TSGA10: variants seen among roughly 807,000 people sequenced by gnomAD.
TSGA10 encodes the protein testis-specific gene 10 protein.
Under a neutral mutation model 96.6 loss-of-function variants are expected in TSGA10, and 43 were observed. The observed-to-expected ratio is 0.44, with a 90% CI of 0.35 to 0.57. The LOEUF (loss-of-function observed/expected upper bound fraction) is 0.57, where lower values mean the gene tolerates loss of function less well. Ranked by LOEUF, TSGA10 falls within the 20% of genes least tolerant of loss-of-function variation. The pLI is 0.01. For missense variants in TSGA10, 703 were observed against 834.4 expected (o/e 0.84, Z 1.94); for synonymous variants, 229 against 269.9 (o/e 0.85, Z 1.48).
chr2:99,093,615 C>T (rs755304786), intron 10 of TSGA10, among the ~76,000 whole-genome samples: 1 of 150,932 alleles, frequency 6.6e-6, no homozygotes, highest in Non-Finnish European at 1.5e-5. Context: ...AGCAATCATG[C>T]AGAAAATCAA....
intron 20 of TSGA10, among the ~76,000 whole-genome samples, chr2:99,008,530 T>G (rs973824734): frequency 6.6e-6 from 1 of 152,228 alleles, no homozygotes; most frequent in Non-Finnish European, 1.5e-5. Flanking sequence ...ATTCAAAAGC[T>G]TGACAGTGTG....
intron 10 of TSGA10, among the ~76,000 whole-genome samples, chr2:99,091,354 C>T (rs1483357764): frequency 1.3e-5 from 2 of 152,104 alleles, no homozygotes; most frequent in East Asian, 1.9e-4. Flanking sequence ...TAAAACAACA[C>T]AGTAAGTAAA....
At chr2:99,129,949 C>T (rs1328777782) in intron 1 of TSGA10, among the ~76,000 whole-genome samples, 1 of 152,072 alleles carries the variant, frequency 6.6e-6, no homozygotes, top group East Asian at 1.9e-4. Context: ...CATCCATGTC[C>T]CTGCAAAGGA....
chr2:99,033,910 A>AC (rs2081365836), intron 17 of TSGA10, among the ~76,000 whole-genome samples: 1 of 152,184 alleles, frequency 6.6e-6, no homozygotes, highest in African/African-American at 2.4e-5. Context: ...CATTTTTCAA[A>AC]CATTAACAGA....
rs554457454 is a variant in TSGA10, at chr2:99,041,878, AACAG to A, written c.1405-6443_1405-6440del. ...AGCAAAAGAAATAATCATCAGAGTA[AACAG>A]ACAGCCCCCAGAGTGGGAGAAAATC... On this transcript the variant is annotated intron_variant, in intron 16 of 20. Coordinates refer to ENST00000393483, the MANE Select transcript of TSGA10 (RefSeq NM_025244.4). Among the ~76,000 whole-genome samples the A allele has an allele frequency of 3.1e-3, 467 of 152,304 alleles. 3 individuals carry two copies. Among genetic ancestry groups the A allele is most frequent in the South Asian group, 7.5e-3 (36 of 4,828 alleles).
At chr2:99,101,877 G>T in intron 10 of TSGA10, 1 of 566,622 alleles carries the variant, frequency 1.8e-6, no homozygotes, top group South Asian at 2.1e-5. Context: ...AGTTGCCAAG[G>T]ATTGACTGGA....
chr2:99,147,073 T>G (rs2093639694), intron 1 of TSGA10: 1 of 171,652 alleles, frequency 5.8e-6, no homozygotes. Flanking sequence ...TAAGTCCAAG[T>G]TACAGCTCTG....
intron 17 of TSGA10, among the ~76,000 whole-genome samples, chr2:99,030,083 A>G (rs1240232824): frequency 6.6e-6 from 1 of 152,232 alleles, no homozygotes; most frequent in African/African-American, 2.4e-5. Context: ...ACGGTGGCTC[A>G]TGCCTGTAAT....
chr2:99,006,030 C>G (rs1461166580), intron 20 of TSGA10, among the ~76,000 whole-genome samples: 1 of 152,120 alleles, frequency 6.6e-6, no homozygotes, highest in African/African-American at 2.4e-5. Context: ...CTGACAAAAA[C>G]AAGAAATGGG....
At chr2:99,107,031 A>G (rs141593971) in intron 7 of TSGA10, among the ~76,000 whole-genome samples, 1 of 152,268 alleles carries the variant, frequency 6.6e-6, no homozygotes, top group Non-Finnish European at 1.5e-5. Context: ...GTGTGCTATC[A>G]TTATCTTACT....
chr2:99,090,343 T>G (rs1022905101), intron 10 of TSGA10, among the ~76,000 whole-genome samples: 8 of 152,100 alleles, frequency 5.3e-5, no homozygotes, highest in African/African-American at 1.9e-4. Flanking sequence ...TCTGGTAATA[T>G]GACAAAACAA....
Position 99,154,902 on chromosome 2 carries a change from G to A in TSGA10, c.-830C>T, listed in dbSNP as rs1465376980. 3 of 421,500 alleles carry A rather than the reference G, an allele frequency of 7.1e-6. No individual in the cohort carries two copies. The highest frequency in any genetic ancestry group is 1.4e-5 in the Non-Finnish European group (3 of 209,150). The allele number at this position is 421,500 out of a possible 1,614,324, so 26.1% of individuals were successfully genotyped here. On this transcript the variant is annotated 5_prime_UTR_variant, in exon 1 of 21. Coordinates refer to ENST00000393483, the MANE Select transcript of TSGA10 (RefSeq NM_025244.4). ...GGCGGAGAGACTAGGCGCGATCCCT[G>A]CGCGCCCCTCCTTCTCTTGCGCTTC...
intron 17 of TSGA10, among the ~76,000 whole-genome samples, chr2:99,033,796 C>T (rs371935452): frequency 1.4e-4 from 21 of 151,930 alleles, no homozygotes; most frequent in East Asian, 1.4e-3. Context: ...GCCAAGATCA[C>T]GCCACTGCAC....
At chr2:99,135,606 C>A (rs1402430823) in intron 1 of TSGA10, among the ~76,000 whole-genome samples, 1 of 152,190 alleles carries the variant, frequency 6.6e-6, no homozygotes, top group Non-Finnish European at 1.5e-5. Flanking sequence ...TATCAGCCTG[C>A]CTACATTCAT....
rs1336433291 is a variant in TSGA10, at chr2:99,086,452, A to G, written c.612-5055T>C. ...CAATTTGAAAACTAAAAATTAATCA[A>G]TAATAACTCATCATATTAACAGACT... On this transcript the variant is annotated intron_variant, in intron 10 of 20. Transcript: ENST00000393483. 5.3e-5 allele frequency among the ~76,000 whole-genome samples: 8 copies of G among 152,366 alleles called. No individual in the cohort carries two copies. In the East Asian group the frequency reaches 1.3e-3, roughly 26 times the overall value.
chr2:99,149,313 C>A (rs2093664804), intron 1 of TSGA10, among the ~76,000 whole-genome samples: 1 of 152,106 alleles, frequency 6.6e-6, no homozygotes, highest in Non-Finnish European at 1.5e-5. Context: ...GTACAGGAAG[C>A]CTGTCCCTTC....
At chr2:99,093,753 C>T (rs193124757) in intron 10 of TSGA10, among the ~76,000 whole-genome samples, 44 of 151,952 alleles carry the variant, frequency 2.9e-4, no homozygotes, top group African/African-American at 8.0e-4. Context: ...ACATCACAGA[C>T]GACACAAACA....
intron 1 of TSGA10, chr2:99,141,175 T>C: frequency 8.0e-7 from 1 of 1,246,426 alleles, no homozygotes; most frequent in Non-Finnish European, 1.0e-6. Context: ...CAGCGGGGGA[T>C]ACAAGAACCG....
intron 12 of TSGA10, 31 bp downstream of exon 12, chr2:99,078,628 T>C: frequency 1.9e-6 from 3 of 1,581,862 alleles, no homozygotes; most frequent in Middle Eastern, 1.7e-4. Context: ...CATTTAAACG[T>C]TTCTTATAAA....
Sources: gnomAD v4.1 joint callset for allele counts (sites outside exome capture counted in the v4.1 genomes callset) on GRCh38, gnomAD v4.1.1 for gene constraint, MANE v1.5 for transcripts, NCBI Gene and HGNC (gene_info 2026-07-23, HGNC 2026-07-21) for gene names.